Variants in PTTG1IP observed in about 807,000 individuals in gnomAD.
PTTG1IP encodes PTTG1 interacting protein.
Under a neutral mutation model 24.4 loss-of-function variants are expected in PTTG1IP, and 16 were observed. That is an observed-to-expected ratio of 0.66 (90% CI 0.44 to 1.00). The LOEUF (loss-of-function observed/expected upper bound fraction) is 1.00, where lower values mean the gene tolerates loss of function less well. Ranked by LOEUF, PTTG1IP falls within the 50% of genes least tolerant of loss-of-function variation. PTTG1IP has a pLI of 0.00. For missense variants in PTTG1IP, 241 were observed against 245.8 expected, an observed-to-expected ratio of 0.98 and a Z score of 0.13; for synonymous variants, 89 against 96.8, an observed-to-expected ratio of 0.92 and a Z score of 0.47.
At chr21:44,864,386 A>G (rs1156899118) in intron 2 of PTTG1IP, among the ~76,000 whole-genome samples, 1 of 151,928 alleles carries the variant, frequency 6.6e-6, no homozygotes, top group African/African-American at 2.4e-5. Flanking sequence ...CCCTGTTCAC[A>G]CGTTTTTGTT....
chr21:44,871,954 G>A (rs1452631885), intron 1 of PTTG1IP, among the ~76,000 whole-genome samples: 1 of 152,126 alleles, frequency 6.6e-6, no homozygotes, highest in Non-Finnish European at 1.5e-5. Flanking sequence ...TGGCAGTTCC[G>A]GATTAATTCC....
Position 44,850,330 on chromosome 21 carries a change from G to A in PTTG1IP, c.*1251C>T, listed in dbSNP as rs873317. 15,763 of 152,248 alleles carry A rather than the reference G, an allele frequency of 0.1. 1,323 individuals are homozygous for A. Among genetic ancestry groups the A allele is most frequent in the East Asian group, 0.4 (2,072 of 5,176 alleles). The allele number at this position is 152,248 out of a possible 1,614,324, so 9.4% of individuals were successfully genotyped here. A position where few individuals can be genotyped will look rare whatever the true frequency, so the allele number is the denominator to read the frequency against. ...GGCAGCACTTTTCAGTGACTTCCCC[G>A]CACGCTGCTTTCCCTGCCACGAAGC... On this transcript the variant is annotated 3_prime_UTR_variant, in exon 6 of 6. Coordinates refer to ENST00000330938, the MANE Select transcript of PTTG1IP (RefSeq NM_004339.4).
Position 44,856,378 on chromosome 21 carries a change from C to T in PTTG1IP, c.278-14G>A. ...CCTCAAAGTTCACTGGAGATTCAAG[C>T]ACCTGGAGTTAGGGCCGCCCCAGAC... On this transcript the variant is annotated splice_polypyrimidine_tract_variant and intron_variant, in intron 3 of 5. Coordinates refer to ENST00000330938, the MANE Select transcript of PTTG1IP (RefSeq NM_004339.4). 1.9e-6 allele frequency: 3 copies of T among 1,603,234 alleles called. No individual in the cohort carries two copies. Among genetic ancestry groups the T allele is most frequent in the Non-Finnish European group, 2.6e-6 (3 of 1,173,406 alleles).
intron 2 of PTTG1IP, among the ~76,000 whole-genome samples, chr21:44,865,165 A>C (rs151124324): frequency 1.2e-3 from 184 of 152,362 alleles, no homozygotes; most frequent in South Asian, 0.01. Context: ...CATAGGAGTG[A>C]AATCATGGAT....
At chr21:44,860,556 C>A (rs2083483067) in intron 3 of PTTG1IP, among the ~76,000 whole-genome samples, 1 of 152,170 alleles carries the variant, frequency 6.6e-6, no homozygotes, top group Non-Finnish European at 1.5e-5. Flanking sequence ...AGGGGTGACA[C>A]ATGAACAAAA....
Position 44,861,077 on chromosome 21 carries a change from C to T in PTTG1IP, c.277+86G>A. The T allele has an allele frequency of 3.4e-6, 4 of 1,161,092 alleles. No individual in the cohort carries two copies. In the South Asian group the frequency reaches 5.6e-5, roughly 16 times the overall value. The allele number at this position is 1,161,092 out of a possible 1,614,324, so 71.9% of individuals were successfully genotyped here. A position where few individuals can be genotyped will look rare whatever the true frequency, so the allele number is the denominator to read the frequency against. On this transcript the variant is annotated intron_variant, in intron 3 of 5. Transcript: ENST00000330938. ...TCCGCCTCCCAAAGTGCTGGGATTA[C>T]AGACGTGAGCCACCGCGCCCGGCCC...
intron 2 of PTTG1IP, among the ~76,000 whole-genome samples, chr21:44,865,127 A>G (rs2838717): frequency 0.37 from 55,582 of 152,192 alleles, 13,057 homozygotes; most frequent in African/African-American, 0.68. Flanking sequence ...CGTTAGGAAG[A>G]CTGGCCACGC....
At position 44,851,137 on chromosome 21, in the gene PTTG1IP, A is replaced by C; in HGVS notation, c.*444T>G. On this transcript the variant is annotated 3_prime_UTR_variant, in exon 6 of 6. Transcript: ENST00000330938. ...AGACGCTGTCCGTGGTTTTATGGGG[A>C]ATGATGAGGGCTGGTCAGTTCTCCT... 1 of 516,874 alleles carries C rather than the reference A, an allele frequency of 1.9e-6. No individual in the cohort carries two copies. Among genetic ancestry groups the C allele is most frequent in the Non-Finnish European group, 3.4e-6 (1 of 295,174 alleles). The allele number at this position is 516,874 out of a possible 1,614,324, so 32.0% of individuals were successfully genotyped here.
chr21:44,869,748 C>T (rs140542791), intron 1 of PTTG1IP, among the ~76,000 whole-genome samples: 2,209 of 152,290 alleles, frequency 0.015, 27 homozygotes, highest in Non-Finnish European at 0.019. Flanking sequence ...CAACTTTCTG[C>T]GCCTCTGAGG....
At position 44,873,644 on chromosome 21, in the gene PTTG1IP, G is replaced by A. The variant is rs546628078; in HGVS notation, c.-28C>T. The A allele has an allele frequency of 5.6e-5, 77 of 1,383,018 alleles. No individual in the cohort carries two copies. The highest frequency in any genetic ancestry group is 6.7e-5 in the Non-Finnish European group (72 of 1,068,270). 85.7% of individuals were successfully genotyped at this position (1,383,018 alleles called of 1,614,324 possible). ...TCGGCCGGTCGCTCTATCAGTCAGTGGAGCGTTACAACTCCGACTCCAGCA... is the reference window on the plus strand; with the variant it reads ...TCGGCCGGTCGCTCTATCAGTCAGTAGAGCGTTACAACTCCGACTCCAGCA... On this transcript the variant is annotated 5_prime_UTR_variant, in exon 1 of 6. Transcript: ENST00000330938.
Position 44,865,060 on chromosome 21 carries a change from G to T in PTTG1IP, c.168+335C>A, listed in dbSNP as rs577203513. Among the ~76,000 whole-genome samples, 5 of 152,272 alleles carry T rather than the reference G, an allele frequency of 3.3e-5. No individual in the cohort carries two copies. In the East Asian group the frequency reaches 9.6e-4, roughly 29 times the overall value. On this transcript the variant is annotated intron_variant, in intron 2 of 5. Transcript: ENST00000330938. ...GCAGCCCGACAGCCTGGGAAAACAC[G>T]GGCTCACAACCTGAGGGTGTAGCTT...
chr21:44,865,601 T>G, intron 1 of PTTG1IP, 154 bp from the exon 2 acceptor site: 1 of 730,144 alleles, frequency 1.4e-6, no homozygotes, highest in Non-Finnish European at 2.4e-6. Context: ...GAGCCCCTGC[T>G]GATAACAAGC....
chr21:44,856,271 T>C lies in PTTG1IP; in HGVS notation c.371A>G (p.Lys124Arg). ...AICCCCCCRR[K>R]RSRKPDRSEE... Reference sequence around the variant, plus strand: ...ACTCCTGTCCGGCTTCCGGCTCCTCTTCCTCCTGCAGCAGCAGCAGCAGCA... The same window carrying C: ...ACTCCTGTCCGGCTTCCGGCTCCTCCTCCTCCTGCAGCAGCAGCAGCAGCA... The change falls in exon 4 of 6, where the codon AAG (lysine) becomes AGG (arginine). Residue 124 changes from lysine (K) to arginine (R), a missense_variant. Coordinates refer to ENST00000330938, the MANE Select transcript of PTTG1IP (RefSeq NM_004339.4). 1 of 1,614,150 alleles carries C rather than the reference T, an allele frequency of 6.2e-7. No individual in the cohort carries two copies. Among genetic ancestry groups the C allele is most frequent in the Non-Finnish European group, 8.5e-7 (1 of 1,179,990 alleles).
At chr21:44,866,479 C>T (rs1391202343) in intron 1 of PTTG1IP, among the ~76,000 whole-genome samples, 3 of 125,134 alleles carry the variant, frequency 2.4e-5, no homozygotes, top group Admixed American at 8.1e-5. Flanking sequence ...ATAACACACA[C>T]ACACACACAC....
In PTTG1IP at chr21:44,865,716, A is replaced by G. The variant is rs975700215; in HGVS notation, c.116-269T>C. 3 of 571,350 alleles carry G rather than the reference A, an allele frequency of 5.3e-6. No individual in the cohort carries two copies. In the African/African-American group the frequency reaches 5.6e-5, roughly 11 times the overall value. 35.4% of individuals were successfully genotyped at this position (571,350 alleles called of 1,614,324 possible). ...TCCACAAGGGCTCTTCTGGGAGAGA[A>G]GAGTGCCAACACAGAAGGCTGTGTT... On this transcript the variant is annotated intron_variant, in intron 1 of 5. Coordinates refer to ENST00000330938, the MANE Select transcript of PTTG1IP (RefSeq NM_004339.4).
chr21:44,862,036 C>T, intron 2 of PTTG1IP: 1 of 592,058 alleles, frequency 1.7e-6, no homozygotes, highest in Non-Finnish European at 3.1e-6. Context: ...CCTTGAACGT[C>T]AGGTGTGAGG....
rs1403186753 is a variant in PTTG1IP at position 44,849,826 on chromosome 21, C to T, written c.*1755G>A. On this transcript the variant is annotated 3_prime_UTR_variant, in exon 6 of 6. Coordinates refer to ENST00000330938, the MANE Select transcript of PTTG1IP (RefSeq NM_004339.4). ...AGCTCAGCACCCTACGCTCAGGAAG[C>T]GGATTTTGCACACACACTACTGCAT... The T allele has an allele frequency of 2.0e-5, 3 of 152,250 alleles. No homozygotes were observed. The highest frequency in any genetic ancestry group is 6.5e-5 in the Admixed American group (1 of 15,290). The allele number at this position is 152,250 out of a possible 1,614,324, so 9.4% of individuals were successfully genotyped here. A position where few individuals can be genotyped will look rare whatever the true frequency, so the allele number is the denominator to read the frequency against.
Position 44,849,656 on chromosome 21 carries a change from G to T in PTTG1IP, c.*1925C>A. ...AAAATTAAGGCACTCCAAGCTTTATGGTTTCCTTGAGGTTACAGTTTTGTG... is the reference window on the plus strand; with the variant it reads ...AAAATTAAGGCACTCCAAGCTTTATTGTTTCCTTGAGGTTACAGTTTTGTG... On this transcript the variant is annotated 3_prime_UTR_variant, in exon 6 of 6. Coordinates refer to ENST00000330938, the MANE Select transcript of PTTG1IP (RefSeq NM_004339.4). 6.5e-6 allele frequency: 1 copy of T among 152,724 alleles called. No homozygotes were observed. The allele number at this position is 152,724 out of a possible 1,614,324, so 9.5% of individuals were successfully genotyped here.
chr21:44,859,622 CTG>C (rs1385116027), intron 3 of PTTG1IP, among the ~76,000 whole-genome samples: 1 of 152,170 alleles, frequency 6.6e-6, no homozygotes, highest in Non-Finnish European at 1.5e-5. Context: ...GGTCCAGGAG[CTG>C]TGTCTTCAGA....
Sources: gnomAD v4.1 joint callset for allele counts (sites outside exome capture counted in the v4.1 genomes callset) on GRCh38, gnomAD v4.1.1 for gene constraint, MANE v1.5 for transcripts, NCBI Gene and HGNC (gene_info 2026-07-23, HGNC 2026-07-21) for gene names.